The following SNX3 variants were observed in gnomAD, a reference collection of about 807,000 sequenced individuals.
The protein encoded by SNX3 is sorting nexin 3.
SNX3 carries 5 observed loss-of-function variants against 17.7 expected under a neutral mutation model. That is an observed-to-expected ratio of 0.28 (90% confidence interval 0.15 to 0.59). The LOEUF (loss-of-function observed/expected upper bound fraction) is 0.59. Ranked by LOEUF, SNX3 falls within the 20% of genes least tolerant of loss-of-function variation. The probability of loss-of-function intolerance (pLI) is 0.88; values close to 1 mark genes in which losing one functional copy is unlikely to be tolerated. For synonymous variants in SNX3, 91 were observed against 76.5 expected (o/e 1.19, Z -0.99); for missense variants, 132 against 206.8 (o/e 0.64, Z 2.22).
In SNX3 at chr6:108,241,718, G is replaced by C. The variant is rs572690104; in HGVS notation, c.163-18673C>G. ...TAGCAACCACCACCTCCCCTTTGGG[G>C]AGGGGCAGGAGGCAATCTAACTCAG... On this transcript the variant is annotated intron_variant, in intron 1 of 3. Transcript: ENST00000230085. Among the ~76,000 whole-genome samples, 3 of 152,316 alleles carry C rather than the reference G, an allele frequency of 2.0e-5. No homozygotes were observed. The East Asian group carries it at 5.8e-4, about 29-fold the overall frequency.
chr6:108,216,623 T>C (rs929718058), intron 2 of SNX3, among the ~76,000 whole-genome samples: 4 of 152,146 alleles, frequency 2.6e-5, no homozygotes, highest in Non-Finnish European at 4.4e-5. Flanking sequence ...ATATATATAG[T>C]AAACTGATAC....
chr6:108,254,097 A>G (rs1775958315), intron 1 of SNX3, among the ~76,000 whole-genome samples: 3 of 149,972 alleles, frequency 2.0e-5, no homozygotes, highest in Non-Finnish European at 4.4e-5. Flanking sequence ...ACCTCACTCC[A>G]GCCTGGGTGA....
intron 1 of SNX3, among the ~76,000 whole-genome samples, chr6:108,229,294 A>G (rs1039260605): frequency 6.6e-6 from 1 of 151,276 alleles, no homozygotes; most frequent in Non-Finnish European, 1.5e-5. Context: ...TCAGAACAGT[A>G]TATTATATAG....
At chr6:108,224,800 C>T (rs1052758079) in intron 1 of SNX3, among the ~76,000 whole-genome samples, 1 of 152,068 alleles carries the variant, frequency 6.6e-6, no homozygotes, top group African/African-American at 2.4e-5. Context: ...GCTTTAAAGG[C>T]GGAGGGCAAG....
chr6:108,224,496 G>A (rs1271522083), intron 1 of SNX3, among the ~76,000 whole-genome samples: 2 of 152,056 alleles, frequency 1.3e-5, no homozygotes, highest in Non-Finnish European at 2.9e-5. Flanking sequence ...TAGCCAGGAT[G>A]GTCTCCATCT....
At chr6:108,229,511 G>A (rs1212718360) in intron 1 of SNX3, among the ~76,000 whole-genome samples, 1 of 151,592 alleles carries the variant, frequency 6.6e-6, no homozygotes, top group Non-Finnish European at 1.5e-5. Context: ...GGGCTCAAGG[G>A]ATCCTTCCAC....
At chr6:108,225,987 CTA>C (rs1327984098) in intron 1 of SNX3, among the ~76,000 whole-genome samples, 1 of 134,138 alleles carries the variant, frequency 7.5e-6, no homozygotes, top group African/African-American at 2.8e-5. Flanking sequence ...CTGTAGTGAA[CTA>C]TGATTATGAT....
At chr6:108,254,494 G>T (rs1002488462) in intron 1 of SNX3, among the ~76,000 whole-genome samples, 1 of 152,068 alleles carries the variant, frequency 6.6e-6, no homozygotes, top group Non-Finnish European at 1.5e-5. Flanking sequence ...CTGAAGGTCC[G>T]AAAATCTAGG....
chr6:108,245,689 C>T (rs1582502977), intron 1 of SNX3, among the ~76,000 whole-genome samples: 1 of 152,356 alleles, frequency 6.6e-6, no homozygotes, highest in South Asian at 2.1e-4. Flanking sequence ...TTTTGATTTG[C>T]ATCTAATGAC....
chr6:108,243,599 C>T (rs1775589723), intron 1 of SNX3, among the ~76,000 whole-genome samples: 1 of 152,138 alleles, frequency 6.6e-6, no homozygotes, highest in African/African-American at 2.4e-5. Flanking sequence ...AAAGAAAGCC[C>T]TTCCGGCTGA....
intron 1 of SNX3, among the ~76,000 whole-genome samples, chr6:108,250,843 G>C (rs1775834509): frequency 6.6e-6 from 1 of 152,182 alleles, no homozygotes; most frequent in East Asian, 1.9e-4. Context: ...AAAGTTTACA[G>C]AACAAATAAT....
Position 108,260,170 on chromosome 6 carries a change from G to A in SNX3, c.162+590C>T, listed in dbSNP as rs149486215. 2.9e-3 allele frequency among the ~76,000 whole-genome samples: 438 copies of A among 152,302 alleles called. 8 individuals are homozygous for A. The East Asian group carries it at 0.045, about 16-fold the overall frequency. On this transcript the variant is annotated intron_variant, in intron 1 of 3. Transcript: ENST00000230085. Reference sequence around the variant, plus strand: ...ACCACACCTCAGCCTTTGGCAGGGCGGTGGCCCAAAATGCTGAAGTCAACC... The same window carrying A: ...ACCACACCTCAGCCTTTGGCAGGGCAGTGGCCCAAAATGCTGAAGTCAACC...
intron 1 of SNX3, among the ~76,000 whole-genome samples, chr6:108,242,618 C>A (rs1775554322): frequency 6.6e-6 from 1 of 152,214 alleles, no homozygotes; most frequent in Non-Finnish European, 1.5e-5. Context: ...GGCATACACA[C>A]CTCCCCTAGA....
At chr6:108,243,469 T>C (rs1775583683) in intron 1 of SNX3, among the ~76,000 whole-genome samples, 1 of 152,236 alleles carries the variant, frequency 6.6e-6, no homozygotes, top group African/African-American at 2.4e-5. Flanking sequence ...TTCTGTAGTT[T>C]GTAAGCATGA....
At chr6:108,248,268 C>G (rs990002881) in intron 1 of SNX3, among the ~76,000 whole-genome samples, 1 of 152,162 alleles carries the variant, frequency 6.6e-6, no homozygotes, top group Non-Finnish European at 1.5e-5. Flanking sequence ...TGGAAGCTTC[C>G]AAAGGCTAGG....
intron 1 of SNX3, among the ~76,000 whole-genome samples, chr6:108,227,988 G>C (rs1327039347): frequency 1.3e-5 from 2 of 151,892 alleles, no homozygotes; most frequent in Non-Finnish European, 2.9e-5. Flanking sequence ...ATCTATAAAA[G>C]GGCACCATGC....
intron 1 of SNX3, among the ~76,000 whole-genome samples, chr6:108,243,499 ATG>A (rs1172012840): frequency 2.6e-5 from 4 of 152,218 alleles, no homozygotes; most frequent in African/African-American, 9.6e-5. Context: ...TTTCATGCTC[ATG>A]TGTGTGACAT....
At chr6:108,239,579 T>C (rs1239227863) in intron 1 of SNX3, among the ~76,000 whole-genome samples, 1 of 152,222 alleles carries the variant, frequency 6.6e-6, no homozygotes, top group Non-Finnish European at 1.5e-5. Flanking sequence ...GTAGGGCAAA[T>C]ATTATGCCTT....
At chr6:108,230,333 T>C (rs767496042) in intron 1 of SNX3, among the ~76,000 whole-genome samples, 11 of 152,138 alleles carry the variant, frequency 7.2e-5, no homozygotes, top group Non-Finnish European at 1.5e-4. Context: ...AAGCCACAAT[T>C]TTCTTCCTAG....
Sources: allele counts gnomAD v4.1 joint callset (sites outside exome capture counted in the v4.1 genomes callset), GRCh38; gene constraint gnomAD v4.1.1; transcripts MANE v1.5; gene names NCBI Gene and HGNC (gene_info 2026-07-23, HGNC 2026-07-21).